CSMD3: variants seen among roughly 807,000 people sequenced by gnomAD.
The protein encoded by CSMD3 is CUB and sushi domain-containing protein 3.
A neutral mutation model predicts 435.2 loss-of-function variants in CSMD3; 177 were observed. The observed-to-expected ratio is 0.41, with a 90% CI of 0.36 to 0.46. CSMD3 has a LOEUF of 0.46. CSMD3 is among the 20% of genes least tolerant of loss of function. The pLI, the probability that CSMD3 is intolerant of heterozygous loss-of-function variation, is 0.34. For missense variants in CSMD3, 4,265 were observed against 4,504.6 expected (o/e 0.95, Z 1.52); for synonymous variants, 1,656 against 1,520.5 (o/e 1.09, Z -2.07).
At position 113,436,936 on chromosome 8, in the gene CSMD3, G is replaced by A. The variant is rs1006140858; in HGVS notation, c.-82C>T. 1 of 1,472,810 alleles carries A rather than the reference G, an allele frequency of 6.8e-7. No individual in the cohort carries two copies. The highest frequency in any genetic ancestry group is 9.5e-7 in the Non-Finnish European group (1 of 1,055,750). 91.2% of individuals were successfully genotyped at this position (1,472,810 alleles called of 1,614,324 possible). On this transcript the variant is annotated 5_prime_UTR_variant, in exon 1 of 71. Transcript: ENST00000297405. ...GTTGTTGGTGCGCGGTCACAGCTCGGAGTGAATGGTGTTTCTGGGATACCA... is the reference window on the plus strand; with the variant it reads ...GTTGTTGGTGCGCGGTCACAGCTCGAAGTGAATGGTGTTTCTGGGATACCA...
chr8:112,738,900 G>T (rs935262553), intron 13 of CSMD3, among the ~76,000 whole-genome samples: 2 of 151,586 alleles, frequency 1.3e-5, no homozygotes, highest in Non-Finnish European at 3.0e-5. Flanking sequence ...TAAGTGGATT[G>T]AATTTAAATG....
At chr8:112,815,676 C>T (rs1252482764) in intron 12 of CSMD3, among the ~76,000 whole-genome samples, 1 of 152,050 alleles carries the variant, frequency 6.6e-6, no homozygotes, top group African/African-American at 2.4e-5. Context: ...TCATTTTAAA[C>T]AATTCAATGT....
chr8:112,362,194 A>G (rs1238644779), intron 38 of CSMD3, among the ~76,000 whole-genome samples: 1 of 151,946 alleles, frequency 6.6e-6, no homozygotes, highest in African/African-American at 2.4e-5. Context: ...CTCAGAATCA[A>G]TTGATTAATC....
At chr8:113,340,314 T>A (rs2094109588) in intron 1 of CSMD3, among the ~76,000 whole-genome samples, 1 of 152,134 alleles carries the variant, frequency 6.6e-6, no homozygotes, top group Non-Finnish European at 1.5e-5. Context: ...CTCCACATCA[T>A]CAGTTGATGT....
At chr8:112,673,604 C>G (rs1437687588) in intron 16 of CSMD3, among the ~76,000 whole-genome samples, 1 of 152,096 alleles carries the variant, frequency 6.6e-6, no homozygotes, top group Admixed American at 6.6e-5. Flanking sequence ...ACTCTAATTG[C>G]TTCCTCAAAA....
chr8:112,958,455 C>T (rs931075130), intron 7 of CSMD3, among the ~76,000 whole-genome samples: 4 of 152,144 alleles, frequency 2.6e-5, no homozygotes, highest in African/African-American at 4.8e-5. Flanking sequence ...GCCCTGGACA[C>T]TAGCAAAAGC....
intron 70 of CSMD3, among the ~76,000 whole-genome samples, chr8:112,228,333 T>C (rs1478167168): frequency 6.6e-6 from 1 of 152,156 alleles, no homozygotes; most frequent in Non-Finnish European, 1.5e-5. Context: ...TAAAATCAGT[T>C]AGTATTTTTG....
At chr8:113,294,695 G>A (rs971336306) in intron 2 of CSMD3, among the ~76,000 whole-genome samples, 1 of 152,034 alleles carries the variant, frequency 6.6e-6, no homozygotes, top group African/African-American at 2.4e-5. Flanking sequence ...AATAGAAATA[G>A]GAAAAGAGGA....
chr8:112,551,938 ACTGAGAGC>A (rs1332017956), intron 26 of CSMD3, among the ~76,000 whole-genome samples: 1 of 152,124 alleles, frequency 6.6e-6, no homozygotes, highest in Non-Finnish European at 1.5e-5. Context: ...TAAGGCTGGG[ACTGAGAGC>A]CTGTGATAGC....
chr8:113,164,749 A>G (rs975318435), intron 4 of CSMD3, among the ~76,000 whole-genome samples: 1 of 152,074 alleles, frequency 6.6e-6, no homozygotes, highest in African/African-American at 2.4e-5. Context: ...TACGTTAGTG[A>G]GTGATCAATA....
intron 22 of CSMD3, among the ~76,000 whole-genome samples, chr8:112,625,448 T>C (rs1319252292): frequency 6.6e-6 from 1 of 152,050 alleles, no homozygotes; most frequent in Non-Finnish European, 1.5e-5. Context: ...CAGATTCAAT[T>C]GAGATTCAAG....
intron 5 of CSMD3, among the ~76,000 whole-genome samples, chr8:113,045,998 G>A (rs551021572): frequency 1.3e-5 from 2 of 149,400 alleles, no homozygotes; most frequent in African/African-American, 4.8e-5. Flanking sequence ...TTAAATGACT[G>A]AATCGATTTA....
At chr8:112,226,089 CATT>C (rs1292522780) in intron 70 of CSMD3, among the ~76,000 whole-genome samples, 1 of 151,892 alleles carries the variant, frequency 6.6e-6, no homozygotes, top group Admixed American at 6.6e-5. Context: ...TTGTAATTGC[CATT>C]ATATTATTTT....
In CSMD3 at chr8:112,956,427, C is replaced by A. The variant is rs140228554; in HGVS notation, c.1343-1666G>T. On this transcript the variant is annotated intron_variant, in intron 7 of 70. Coordinates refer to ENST00000297405, the MANE Select transcript of CSMD3 (RefSeq NM_198123.2). ...TCAAAATACTTTTTAACAAAATCTGCATTTTGTATTTTCTGGCATAATTCT... is the reference window on the plus strand; with the variant it reads ...TCAAAATACTTTTTAACAAAATCTGAATTTTGTATTTTCTGGCATAATTCT... 6.6e-3 allele frequency among the ~76,000 whole-genome samples: 1,003 copies of A among 152,156 alleles called. 12 individuals are homozygous for A. The highest frequency in any genetic ancestry group is 0.023 in the African/African-American group (963 of 41,546).
intron 11 of CSMD3, among the ~76,000 whole-genome samples, chr8:112,838,444 G>T (rs775386675): frequency 6.6e-6 from 1 of 151,728 alleles, no homozygotes; most frequent in South Asian, 2.1e-4. Flanking sequence ...GGATTTGAAG[G>T]ATAACAGGGC....
intron 3 of CSMD3, among the ~76,000 whole-genome samples, chr8:113,175,843 G>T (rs2092339380): frequency 6.6e-6 from 1 of 151,908 alleles, no homozygotes; most frequent in Non-Finnish European, 1.5e-5. Context: ...TTAAGGTCAG[G>T]ACTTCAATTA....
At chr8:113,105,593 G>T (rs1167684164) in intron 4 of CSMD3, among the ~76,000 whole-genome samples, 1 of 152,112 alleles carries the variant, frequency 6.6e-6, no homozygotes, top group Non-Finnish European at 1.5e-5. Flanking sequence ...AAAGCACACA[G>T]GGCTGAGATT....
Position 112,386,193 on chromosome 8 carries a change from A to G in CSMD3, c.5935-2530T>C, listed in dbSNP as rs117975399. Among the ~76,000 whole-genome samples the G allele has an allele frequency of 5.9e-5, 9 of 152,270 alleles. No individual in the cohort carries two copies. In the East Asian group the frequency reaches 1.5e-3, roughly 26 times the overall value. ...GAGGAGAGGTTCTGCCAGCATCTCA[A>G]TTTCAGTGCAGTAAAGCTGATTTTG... On this transcript the variant is annotated intron_variant, in intron 36 of 70. Transcript: ENST00000297405.
At chr8:112,979,056 G>C (rs76535571) in intron 6 of CSMD3, among the ~76,000 whole-genome samples, 3 of 151,852 alleles carry the variant, frequency 2.0e-5, no homozygotes, top group Non-Finnish European at 4.4e-5. Flanking sequence ...ATAAAATTTT[G>C]GTTTTAACTT....
Sources: gnomAD v4.1 joint callset for allele counts (sites outside exome capture counted in the v4.1 genomes callset) on GRCh38, gnomAD v4.1.1 for gene constraint, MANE v1.5 for transcripts, NCBI Gene and HGNC (gene_info 2026-07-23, HGNC 2026-07-21) for gene names.